The following STAT4 variants were observed in gnomAD, a reference collection of about 807,000 sequenced individuals.
STAT4 encodes signal transducer and activator of transcription 4.
STAT4 carries 42 observed loss-of-function variants against 110.5 expected under a neutral mutation model. The observed-to-expected ratio is 0.38, with a 90% CI of 0.30 to 0.49. The LOEUF (loss-of-function observed/expected upper bound fraction) is 0.49, where lower values mean the gene tolerates loss of function less well. Among genes scored for constraint, STAT4 ranks in the 20% least tolerant of loss-of-function variants. The probability of loss-of-function intolerance (pLI) is 0.95; values close to 1 mark genes in which losing one functional copy is unlikely to be tolerated. For synonymous variants in STAT4, 284 were observed against 302.2 expected (o/e 0.94, Z 0.63); for missense variants, 632 against 887.9 (o/e 0.71, Z 3.66).
chr2:191,131,791 CT>C, intron 3 of STAT4: 2 of 1,345,520 alleles, frequency 1.5e-6, no homozygotes, highest in Non-Finnish European at 1.9e-6. Context: ...TTAGTATCAT[CT>C]GAATGTCCCA....
chr2:191,104,618 A>G lies in STAT4; in HGVS notation c.274-28293T>C, dbSNP rs1006000676. Among the ~76,000 whole-genome samples the G allele has an allele frequency of 2.0e-5, 3 of 152,240 alleles. No individual in the cohort carries two copies. The highest frequency in any genetic ancestry group is 6.5e-5 in the Admixed American group (1 of 15,282). On this transcript the variant is annotated intron_variant, in intron 3 of 23. Coordinates refer to ENST00000392320, the MANE Select transcript of STAT4 (RefSeq NM_003151.4). This position sits in a 1 kb window ranked among gnomAD's most constrained non-coding sequence, Gnocchi z 4.3. ...TGCTAAATAAGTATATATTAAACAA[A>G]GGTCCATAACCACCATACACATCAT...
At chr2:191,034,732 G>T in intron 17 of STAT4, 135 bp from the exon 18 acceptor site, 1 of 673,602 alleles carries the variant, frequency 1.5e-6, no homozygotes, top group Non-Finnish European at 2.7e-6. Context: ...TGTACTGAGT[G>T]CTAGGTACAG....
At chr2:191,111,901 G>A (rs1351920085) in intron 3 of STAT4, among the ~76,000 whole-genome samples, 1 of 152,040 alleles carries the variant, frequency 6.6e-6, no homozygotes, top group Non-Finnish European at 1.5e-5. Flanking sequence ...GATTCTAATT[G>A]GATTGAACTC....
chr2:191,124,958 C>G (rs1698836721), intron 3 of STAT4, among the ~76,000 whole-genome samples: 1 of 152,172 alleles, frequency 6.6e-6, no homozygotes, highest in Non-Finnish European at 1.5e-5. Context: ...CACAGTGTTG[C>G]CAGAGAAGTC....
rs748824077 is a variant in STAT4, at chr2:191,109,896, G to A, written c.274-33571C>T. On this transcript the variant is annotated intron_variant, in intron 3 of 23. Coordinates refer to ENST00000392320, the MANE Select transcript of STAT4 (RefSeq NM_003151.4). ...GCGTTGGGCAACTCACAACTGCAGG[G>A]TACTTGGTTTACTAATTACCTCCTT... Among the ~76,000 whole-genome samples, 125 of 152,260 alleles carry A rather than the reference G, an allele frequency of 8.2e-4. 1 individual carries two copies. Among genetic ancestry groups the A allele is most frequent in the Non-Finnish European group, 1.3e-3 (90 of 68,008 alleles).
At chr2:191,105,538 T>A (rs114476511) in intron 3 of STAT4, among the ~76,000 whole-genome samples, 1,640 of 152,322 alleles carry the variant, frequency 0.011, 23 homozygotes, top group African/African-American at 0.038. Flanking sequence ...TTCAGAGTAC[T>A]AAAATCCATA....
chr2:191,069,347 T>G (rs920559176), intron 6 of STAT4, among the ~76,000 whole-genome samples: 2 of 152,126 alleles, frequency 1.3e-5, no homozygotes, highest in Non-Finnish European at 2.9e-5. Flanking sequence ...ATTACTTTTG[T>G]TTCTGTGATA....
At chr2:191,065,024 A>G (rs1696949728) in intron 7 of STAT4, 66 bp from the exon 8 acceptor site, 2 of 1,427,578 alleles carry the variant, frequency 1.4e-6, no homozygotes, top group Non-Finnish European at 1.8e-6. Flanking sequence ...TTCAATTTAC[A>G]AAACTATTTG....
rs1473847737 is a variant in STAT4 at position 191,035,759 on chromosome 2, C to T, written c.1570+405G>A. Among the ~76,000 whole-genome samples, 2 of 152,176 alleles carry T rather than the reference C, an allele frequency of 1.3e-5. No individual in the cohort carries two copies. The highest frequency in any genetic ancestry group is 2.9e-5 in the Non-Finnish European group (2 of 68,040). On this transcript the variant is annotated intron_variant, in intron 17 of 23. Transcript: ENST00000392320. This position sits in a 1 kb window ranked among gnomAD's most constrained non-coding sequence, Gnocchi z 4.7. ...GTTGGTTAATGTCAATTGAGACGTT[C>T]GTATGAACGATCATATGAGGCACCA...
In STAT4 at chr2:191,030,565, GGTTTACTAGATA is replaced by G. The variant is rs1231063850; in HGVS notation, c.2220+395_2220+406del. Among the ~76,000 whole-genome samples, 32 of 152,164 alleles carry G rather than the reference GGTTTACTAGATA, an allele frequency of 2.1e-4. No individual in the cohort carries two copies. The highest frequency in any genetic ancestry group is 7.5e-4 in the African/African-American group (31 of 41,500). On this transcript the variant is annotated intron_variant, in intron 23 of 23. Coordinates refer to ENST00000392320, the MANE Select transcript of STAT4 (RefSeq NM_003151.4). This position sits in a 1 kb window ranked among gnomAD's most constrained non-coding sequence, Gnocchi z 4.4. ...TTTGCACTGTTAAGATAGCAAACTG[GGTTTACTAGATA>G]GTAAGTAACTAGTAAACTAGATAGT... is the stretch of plus-strand genomic sequence containing the variant.
intron 3 of STAT4, among the ~76,000 whole-genome samples, chr2:191,100,728 C>A (rs1698128485): frequency 1.3e-5 from 2 of 151,522 alleles, no homozygotes; most frequent in Non-Finnish European, 2.9e-5. Flanking sequence ...GGATAAAAAT[C>A]TTATTTATAT....
chr2:191,073,212 ATC>A, intron 4 of STAT4, 22 bp from the exon 5 acceptor site: 1 of 1,606,924 alleles, frequency 6.2e-7, no homozygotes. Context: ...ATGTCTTGAA[ATC>A]TCTCTGGTTT....
chr2:191,115,536 T>G (rs1222211654), intron 3 of STAT4, among the ~76,000 whole-genome samples: 1 of 152,232 alleles, frequency 6.6e-6, no homozygotes, highest in Non-Finnish European at 1.5e-5. Context: ...CTTGGAGAAC[T>G]CTACTGTTTT....
chr2:191,139,150 T>C (rs1398454951), intron 3 of STAT4, among the ~76,000 whole-genome samples: 2 of 151,560 alleles, frequency 1.3e-5, no homozygotes, highest in Non-Finnish European at 2.9e-5. Context: ...TTATACTGAA[T>C]GGGGAAGAGT....
At chr2:191,120,077 C>T (rs1264598625) in intron 3 of STAT4, among the ~76,000 whole-genome samples, 1 of 152,030 alleles carries the variant, frequency 6.6e-6, no homozygotes, top group African/African-American at 2.4e-5. Flanking sequence ...ATGTAAAAGA[C>T]TAAAACACTA....
chr2:191,109,529 G>A (rs1042157965), intron 3 of STAT4, among the ~76,000 whole-genome samples: 6 of 152,054 alleles, frequency 3.9e-5, no homozygotes, highest in Non-Finnish European at 8.8e-5. Context: ...GTTCACACAC[G>A]GGAAAATTGA....
At chr2:191,139,647 A>G (rs1699269880) in intron 3 of STAT4, among the ~76,000 whole-genome samples, 1 of 152,214 alleles carries the variant, frequency 6.6e-6, no homozygotes, top group Admixed American at 6.5e-5. Context: ...ATGAATGGGA[A>G]GAATCAATAT....
intron 3 of STAT4, among the ~76,000 whole-genome samples, chr2:191,128,627 C>A (rs1201812515): frequency 6.6e-6 from 1 of 152,152 alleles, no homozygotes; most frequent in Non-Finnish European, 1.5e-5. Flanking sequence ...TTCGTTCAGC[C>A]ATACCCAAAT....
chr2:191,092,296 G>A (rs1697822444), intron 3 of STAT4, among the ~76,000 whole-genome samples: 1 of 152,098 alleles, frequency 6.6e-6, no homozygotes, highest in South Asian at 2.1e-4. Context: ...CCCAGCTACT[G>A]AGGAGGCTGA....
Sources: allele counts gnomAD v4.1 joint callset (sites outside exome capture counted in the v4.1 genomes callset), GRCh38; gene constraint gnomAD v4.1.1; non-coding constraint Gnocchi (gnomAD v3.1); transcripts MANE v1.5; gene names NCBI Gene and HGNC (gene_info 2026-07-23, HGNC 2026-07-21).